Variants in KRT84 observed in about 807,000 individuals in gnomAD.
KRT84 encodes the protein keratin 84.
Under a neutral mutation model 49.0 loss-of-function variants are expected in KRT84, and 38 were observed. The observed-to-expected ratio is 0.78, with a 90% CI of 0.60 to 1.02. KRT84 has a LOEUF of 1.02. Ranked by LOEUF, KRT84 falls within the 50% of genes least tolerant of loss-of-function variation. KRT84 has a pLI of 0.00. For missense variants in KRT84, 860 were observed against 788.6 expected, an observed-to-expected ratio of 1.09 and a Z score of -1.08; for synonymous variants, 334 against 312.8, an observed-to-expected ratio of 1.07 and a Z score of -0.72.
Position 52,383,754 on chromosome 12 carries a change from C to T in KRT84, c.591G>A (p.Trp197Ter), listed in dbSNP as rs746825507. Residue 197 changes from tryptophan (W) to a stop codon, truncating the protein, a stop_gained, in exon 2 of 9, where the codon TGG becomes TGA. Transcript: ENST00000257951. LOFTEE classifies it high-confidence loss of function. ...TACATTTCTGCTCTTGGAGGAAGCT[C>T]CACTTGGTCTCTAGGAGCTTATTCT... The part of the protein sequence containing the change: ...EQQNKLLETK[W>*]SFLQEQKCIR... The T allele has an allele frequency of 2.0e-5, 33 of 1,613,662 alleles. No homozygotes were observed. The highest frequency in any genetic ancestry group is 2.6e-5 in the Non-Finnish European group (31 of 1,179,800).
chr12:52,381,817 C>T (rs984952972), intron 4 of KRT84, among the ~76,000 whole-genome samples: 1 of 152,202 alleles, frequency 6.6e-6, no homozygotes, highest in Non-Finnish European at 1.5e-5. Context: ...AAGTGGGAGC[C>T]ACTCTAGGGC....
In KRT84 at chr12:52,381,126, C is replaced by G. The variant is rs748157753; in HGVS notation, c.1157G>C (p.Arg386Pro). Residue 386 changes from arginine to proline, a missense_variant, in exon 6 of 9, where the codon CGC becomes CCC. By Grantham distance (103) the Arg-to-Pro change is moderately radical. Transcript: ENST00000257951. ...CTCTGCCTTAAGCCTCTGGATCAGG[C>G]GGGTCAGTTCGTTGATCTCGTTCCG... The part of the protein sequence containing the change: ...NIRNEINELT[R>P]LIQRLKAEIE... 18 of 1,613,990 alleles carry G rather than the reference C, an allele frequency of 1.1e-5. 1 individual carries two copies. The South Asian group carries it at 2.0e-4, about 18-fold the overall frequency.
At chr12:52,384,317 G>A (rs1467456819) in intron 1 of KRT84, among the ~76,000 whole-genome samples, 1 of 152,138 alleles carries the variant, frequency 6.6e-6, no homozygotes, top group African/African-American at 2.4e-5. Flanking sequence ...TCATTTTAGA[G>A]AGGAAGAACC....
Position 52,385,320 on chromosome 12 carries a change from T to C in KRT84, c.266A>G (p.Asp89Gly). 1 of 1,613,940 alleles carries C rather than the reference T, an allele frequency of 6.2e-7. No individual in the cohort carries two copies. The highest frequency in any genetic ancestry group is 1.1e-5 in the South Asian group (1 of 91,058). Residue 89 changes from aspartate to glycine, a missense_variant, in exon 1 of 9, where the codon GAT becomes GGT. Transcript: ENST00000257951. ...AGGCCCCAGACCAACACCTCTCCCA[T>C]CACCAAAACCCATCCCACAGCCAGC... Reference protein sequence around the residue: ...FGAGCGMGFGDGRGVGLGPRA... With the variant: ...FGAGCGMGFGGGRGVGLGPRA...
At chr12:52,386,476 C>T (rs560168085), upstream of KRT84, among the ~76,000 whole-genome samples, 3 of 151,248 alleles carry the variant, frequency 2.0e-5, no homozygotes, top group South Asian at 4.2e-4. Context: ...CCCGCCTCCG[C>T]CTCCCAGATA....
rs146019454 is a variant in KRT84 at position 52,383,586 on chromosome 12, T to C, written c.755+4A>G. On this transcript the variant is annotated splice_donor_region_variant and intron_variant, in intron 2 of 8. Coordinates refer to ENST00000257951, the MANE Select transcript of KRT84 (RefSeq NM_033045.4). ...CTGGTCTGTGCAGCTCAGATGTCAC[T>C]CACTTCTTCTTGAAGCCCTCTAGGA... The C allele has an allele frequency of 6.2e-7, 1 of 1,610,716 alleles. No individual in the cohort carries two copies. Among genetic ancestry groups the C allele is most frequent in the South Asian group, 1.1e-5 (1 of 90,928 alleles).
chr12:52,386,730 C>A, upstream of KRT84, among the ~76,000 whole-genome samples: 1 of 152,100 alleles, frequency 6.6e-6, no homozygotes, highest in East Asian at 1.9e-4. Context: ...CAATATACAT[C>A]TGGATAGAAA....
chr12:52,383,701 T>G lies in KRT84; in HGVS notation c.644A>C (p.Glu215Ala). Residue 215 changes from glutamate (E) to alanine (A), a missense_variant, in exon 2 of 9, where the codon GAG becomes GCG. Transcript: ENST00000257951. ...CCTCCGCAGGTTGGTGATGTAGCTCTCGAAGAGTGGCTCCAGATTGCTCCT... is the reference window on the plus strand; with the variant it reads ...CCTCCGCAGGTTGGTGATGTAGCTCGCGAAGAGTGGCTCCAGATTGCTCCT... The part of the protein sequence containing the change: ...CIRSNLEPLF[E>A]SYITNLRRQL... The G allele has an allele frequency of 6.2e-7, 1 of 1,614,196 alleles. No homozygotes were observed.
chr12:52,382,617 G>T (rs1431244953), intron 3 of KRT84, 85 bp from the exon 4 acceptor site: 2 of 1,084,800 alleles, frequency 1.8e-6, no homozygotes, highest in Non-Finnish European at 1.4e-6. Context: ...GTGCAAAGAG[G>T]CAGCCACTTC....
rs1293277804 is a variant in KRT84, at chr12:52,382,932, A to T, written c.816+73T>A. On this transcript the variant is annotated intron_variant, in intron 3 of 8. Transcript: ENST00000257951. ...CCAGACTCCACAGGGCTGCCTGAGC[A>T]GTTTCCTGGGGAGTCTTGAGAACAT... 7.1e-6 allele frequency: 9 copies of T among 1,273,574 alleles called. 1 individual carries two copies. The highest frequency in any genetic ancestry group is 6.0e-5 in the South Asian group (5 of 83,946). The allele number at this position is 1,273,574 out of a possible 1,614,324, so 78.9% of individuals were successfully genotyped here.
At chr12:52,379,085 C>T (rs905692506) in intron 8 of KRT84, among the ~76,000 whole-genome samples, 7 of 152,204 alleles carry the variant, frequency 4.6e-5, no homozygotes, top group African/African-American at 1.2e-4. Context: ...GACCACTCAC[C>T]GCCTCCATGG....
chr12:52,377,930 G>C lies in KRT84; in HGVS notation c.*104C>G. Reference sequence around the variant, plus strand: ...TAAGGGGTGGCTTCCTGGCAGAAAGGGGAGCTGGAGACCGTCAAGCCCAGA... The same window carrying C: ...TAAGGGGTGGCTTCCTGGCAGAAAGCGGAGCTGGAGACCGTCAAGCCCAGA... On this transcript the variant is annotated 3_prime_UTR_variant, in exon 9 of 9. Coordinates refer to ENST00000257951, the MANE Select transcript of KRT84 (RefSeq NM_033045.4). 1.2e-6 allele frequency: 1 copy of C among 828,278 alleles called. No individual in the cohort carries two copies. 51.3% of individuals were successfully genotyped at this position (828,278 alleles called of 1,614,324 possible).
Position 52,380,521 on chromosome 12 carries a change from A to G in KRT84, c.1266T>C (p.Asp422=), listed in dbSNP as rs1732293. ...CCAGATCTGCCAGCTTGCATTTGGC[A>G]TCACTGAGGGTCGCCTCGCCCTGCT... ...AEQQGEATLS[D]AKCKLADLEC... is the part of the protein sequence containing the mutation. The change falls in exon 7 of 9, where the codon GAT becomes GAC. Residue 422 remains aspartate (D), a synonymous_variant. Transcript: ENST00000257951. The G allele has an allele frequency of 0.23, 372,232 of 1,613,868 alleles. 49,118 individuals carry two copies. Among genetic ancestry groups the G allele is most frequent in the African/African-American group, 0.59 (43,990 of 74,978 alleles).
At chr12:52,383,926 A>G in intron 1 of KRT84, 128 bp from the exon 2 acceptor site, 1 of 723,820 alleles carries the variant, frequency 1.4e-6, no homozygotes, top group Non-Finnish European at 2.3e-6. Flanking sequence ...GCTGACTTTC[A>G]TTCCTCCACT....
intron 4 of KRT84, 55 bp from the exon 5 acceptor site, chr12:52,381,580 G>A: frequency 1.3e-6 from 2 of 1,572,466 alleles, no homozygotes; most frequent in Admixed American, 1.7e-5. Context: ...TAGTAGCTGG[G>A]ACTCTGCCAC....
At chr12:52,378,824 C>A (rs61915728) in intron 8 of KRT84, among the ~76,000 whole-genome samples, 38 of 152,178 alleles carry the variant, frequency 2.5e-4, no homozygotes, top group Non-Finnish European at 5.0e-4. Context: ...ACAGGAAACC[C>A]CTCCAACACT....
chr12:52,384,688 C>A (rs1480665472), intron 1 of KRT84, among the ~76,000 whole-genome samples: 7 of 152,206 alleles, frequency 4.6e-5, no homozygotes, highest in African/African-American at 1.7e-4. Flanking sequence ...CCAGCCAACA[C>A]CTGGCTAAAG....
At chr12:52,381,295 C>CTT (rs1939479621) in intron 5 of KRT84, 66 bp downstream of exon 5, 1 of 1,610,646 alleles carries the variant, frequency 6.2e-7, no homozygotes, top group Admixed American at 1.7e-5. Context: ...CTCCCTGGGC[C>CTT]TGATCTGTTA....
chr12:52,380,007 C>G, intron 7 of KRT84, 100 bp from the exon 8 acceptor site: 1 of 1,020,242 alleles, frequency 9.8e-7, no homozygotes, highest in East Asian at 2.5e-5. Context: ...ATCTGTGGAG[C>G]AGTAGTTCTC....
Sources: allele counts gnomAD v4.1 joint callset (sites outside exome capture counted in the v4.1 genomes callset), GRCh38; gene constraint gnomAD v4.1.1; transcripts MANE v1.5; gene names NCBI Gene and HGNC (gene_info 2026-07-23, HGNC 2026-07-21).